PPEF1: variants seen among roughly 807,000 people sequenced by gnomAD.
PPEF1 encodes protein phosphatase with EF-hand domain 1, also known as serine/threonine-protein phosphatase with EF-hands 1.
Under a neutral mutation model 53.3 loss-of-function variants are expected in PPEF1, and 12 were observed. The observed-to-expected ratio is 0.23, with a 90% confidence interval of 0.14 to 0.36. The LOEUF (loss-of-function observed/expected upper bound fraction) is 0.36. Among genes scored for constraint, PPEF1 ranks in the 10% least tolerant of loss-of-function variants. The probability of loss-of-function intolerance (pLI) is 1.00; values close to 1 mark genes in which losing one functional copy is unlikely to be tolerated. For synonymous variants in PPEF1, 165 were observed against 176.7 expected (o/e 0.93, Z 0.52); for missense variants, 334 against 490.4 (o/e 0.68, Z 3.01).
chrX:18,756,423 G>A (rs2045551799), intron 4 of PPEF1, among the ~76,000 whole-genome samples: 1 of 111,091 alleles, frequency 9.0e-6, no homozygotes, highest in African/African-American at 3.3e-5. Context: ...CAAGTGATCT[G>A]CCCACCTCGG....
intron 2 of PPEF1, among the ~76,000 whole-genome samples, chrX:18,685,455 G>C (rs762394596): frequency 5.4e-5 from 6 of 111,421 alleles, no homozygotes; most frequent in African/African-American, 2.0e-4. Flanking sequence ...GGAGGCCGAG[G>C]AGGGTGGATC....
intron 4 of PPEF1, among the ~76,000 whole-genome samples, chrX:18,752,215 T>A (rs2045458807): frequency 8.9e-6 from 1 of 112,017 alleles, no homozygotes; most frequent in African/African-American, 3.2e-5. Context: ...TTTCATCACC[T>A]TGGTTAAATT....
chrX:18,798,686 C>T (rs977898460), intron 10 of PPEF1, among the ~76,000 whole-genome samples: 2 of 110,447 alleles, frequency 1.8e-5, no homozygotes, highest in African/African-American at 6.6e-5. Context: ...TGCAATGGTG[C>T]GATCTCGGCT....
At chrX:18,720,362 C>T (rs1165054888) in intron 1 of PPEF1, among the ~76,000 whole-genome samples, 4 of 111,602 alleles carry the variant, frequency 3.6e-5, no homozygotes, top group Non-Finnish European at 7.5e-5. Context: ...GAAGCTGAGG[C>T]GGGCAGATCA....
intron 9 of PPEF1, among the ~76,000 whole-genome samples, chrX:18,788,813 C>G (rs779103663): frequency 1.8e-5 from 2 of 112,458 alleles, no homozygotes; most frequent in East Asian, 5.6e-4. Flanking sequence ...ACCTTGGTAT[C>G]TTCCATTTTC....
rs141460060 is a variant in PPEF1, at chrX:18,778,393, G to A, written c.559-617G>A. On this transcript the variant is annotated intron_variant, in intron 6 of 15. Transcript: ENST00000470157. The stretch of plus-strand genomic sequence containing the variant: ...AAATACTTAAAAACTGATATGGCCC[G>A]GTCAGTGATCACTGAGAATATACCC... Among the ~76,000 whole-genome samples the A allele has an allele frequency of 8.0e-4, 89 of 111,446 alleles. 1 individual carries two copies. The highest frequency in any genetic ancestry group is 6.8e-3 in the Admixed American group (71 of 10,502).
chrX:18,692,989 G>C (rs1929493567), intron 4 of PPEF1, among the ~76,000 whole-genome samples: 1 of 111,659 alleles, frequency 9.0e-6, no homozygotes, highest in Admixed American at 9.6e-5. Flanking sequence ...GTAATCAGTG[G>C]CTTCATAAAT....
At chrX:18,682,186 T>G (rs1432061235), upstream of PPEF1, among the ~76,000 whole-genome samples, 1 of 112,340 alleles carries the variant, frequency 8.9e-6, no homozygotes, top group Non-Finnish European at 1.9e-5. Context: ...ACATATTTAG[T>G]AAGTCACACC....
intron 1 of PPEF1, among the ~76,000 whole-genome samples, chrX:18,710,335 A>G (rs1195329358): frequency 8.9e-6 from 1 of 111,995 alleles, no homozygotes; most frequent in African/African-American, 3.2e-5. Flanking sequence ...TCTTTGAAGC[A>G]CAAAAGTTTT....
At position 18,776,329 on chromosome X, in the gene PPEF1, G is replaced by C. The variant is rs2045965757; in HGVS notation, c.559-2681G>C. On this transcript the variant is annotated intron_variant, in intron 6 of 15. Transcript: ENST00000470157. ...GCTCCACTGAGCCTCGACCTCCCAG[G>C]CCTCAGACAATCCTCCCACCTCAGC... is the stretch of plus-strand genomic sequence containing the variant. Among the ~76,000 whole-genome samples the C allele has an allele frequency of 2.7e-5, 3 of 110,944 alleles. No homozygotes were observed. In the Admixed American group the frequency reaches 2.9e-4, roughly 11 times the overall value.
At chrX:18,790,725 A>C (rs1207816657) in intron 10 of PPEF1, among the ~76,000 whole-genome samples, 1 of 109,155 alleles carries the variant, frequency 9.2e-6, no homozygotes, top group East Asian at 2.9e-4. Flanking sequence ...TTTGAGACAG[A>C]GTCTCGCTCT....
chrX:18,796,240 G>C (rs7049641), intron 10 of PPEF1, among the ~76,000 whole-genome samples: 1,169 of 112,653 alleles, frequency 0.01, 15 homozygotes, highest in African/African-American at 0.035. Context: ...ACAGGCATGA[G>C]CCACTGTGCC....
intron 3 of PPEF1, among the ~76,000 whole-genome samples, chrX:18,742,523 G>T (rs931039984): frequency 2.7e-5 from 3 of 111,233 alleles, no homozygotes; most frequent in Admixed American, 9.7e-5. Flanking sequence ...AGATCAAATG[G>T]TTTTAATCAC....
At chrX:18,745,116 TTA>T (rs1333297869) in intron 3 of PPEF1, among the ~76,000 whole-genome samples, 8 of 95,209 alleles carry the variant, frequency 8.4e-5, no homozygotes, top group East Asian at 3.0e-4. Context: ...TATAATTATA[TTA>T]TATATATTAT....
intron 2 of PPEF1, among the ~76,000 whole-genome samples, chrX:18,685,759 T>G (rs1929055034): frequency 9.1e-6 from 1 of 110,260 alleles, no homozygotes; most frequent in Non-Finnish European, 1.9e-5. Flanking sequence ...CCATGACAAC[T>G]GTCTGTGAAT....
chrX:18,722,121 A>G (rs757286220), intron 1 of PPEF1, among the ~76,000 whole-genome samples: 2 of 112,378 alleles, frequency 1.8e-5, no homozygotes, highest in South Asian at 3.7e-4. Flanking sequence ...GGACAGCCGC[A>G]CATTCTGGCA....
intron 5 of PPEF1, among the ~76,000 whole-genome samples, chrX:18,698,890 G>C (rs1452962198): frequency 8.9e-6 from 1 of 112,050 alleles, no homozygotes; most frequent in African/African-American, 3.2e-5. Flanking sequence ...ACTTTGAGCA[G>C]CTCTATAATT....
At chrX:18,798,049 G>A (rs1176289071) in intron 10 of PPEF1, among the ~76,000 whole-genome samples, 1 of 110,296 alleles carries the variant, frequency 9.1e-6, no homozygotes, top group Non-Finnish European at 1.9e-5. Flanking sequence ...AAGGAGAACA[G>A]GAAAACTGGA....
chrX:18,774,974 A>T (rs1050531518), intron 6 of PPEF1, among the ~76,000 whole-genome samples: 5 of 110,683 alleles, frequency 4.5e-5, no homozygotes, highest in Non-Finnish European at 9.4e-5. Context: ...ATGTTCTCTC[A>T]TATTTTTGTA....
Sources: gnomAD v4.1 joint callset for allele counts (sites outside exome capture counted in the v4.1 genomes callset) on GRCh38, gnomAD v4.1.1 for gene constraint, MANE v1.5 for transcripts, NCBI Gene and HGNC (gene_info 2026-07-23, HGNC 2026-07-21) for gene names.